DLEC1: variants seen among roughly 807,000 people sequenced by gnomAD.
The protein encoded by DLEC1 is DLEC1 cilia and flagella associated protein.
A neutral mutation model predicts 198.1 loss-of-function variants in DLEC1; 146 were observed. The observed-to-expected ratio is 0.74, with a 90% CI of 0.64 to 0.85. The LOEUF (loss-of-function observed/expected upper bound fraction) is 0.85, where lower values mean the gene tolerates loss of function less well. DLEC1 is among the 40% of genes least tolerant of loss of function. The pLI is 0.00. For synonymous variants in DLEC1, 897 were observed against 866.8 expected, an observed-to-expected ratio of 1.03 and a Z score of -0.61; for missense variants, 2,233 against 2,220.0, an observed-to-expected ratio of 1.01 and a Z score of -0.12.
chr3:38,046,844 T>C (rs1347242634), intron 2 of DLEC1, among the ~76,000 whole-genome samples: 1 of 134,210 alleles, frequency 7.5e-6, no homozygotes, highest in Non-Finnish European at 1.6e-5. Flanking sequence ...TCATGTCTCT[T>C]TTTGAGATGC....
At chr3:38,042,579 A>T (rs1700707837) in intron 1 of DLEC1, among the ~76,000 whole-genome samples, 1 of 129,492 alleles carries the variant, frequency 7.7e-6, no homozygotes, top group African/African-American at 3.0e-5. Context: ...TTTTTGAGAC[A>T]GAGTCTTGCA....
chr3:38,103,212 A>G (rs1416117477), intron 19 of DLEC1: 2 of 152,120 alleles, frequency 1.3e-5, no homozygotes, highest in African/African-American at 2.4e-5. Context: ...CGTTTTTAGC[A>G]CCCACTTGAG....
At chr3:38,054,795 T>G (rs1268357348) in intron 2 of DLEC1, among the ~76,000 whole-genome samples, 3 of 152,174 alleles carry the variant, frequency 2.0e-5, no homozygotes, top group Non-Finnish European at 2.9e-5. Context: ...TAAAACCAGC[T>G]AAACATGAGC....
At chr3:38,119,002 G>A (rs1264302764) in intron 33 of DLEC1, among the ~76,000 whole-genome samples, 1 of 152,136 alleles carries the variant, frequency 6.6e-6, no homozygotes, top group Non-Finnish European at 1.5e-5. Context: ...GACCCACTTT[G>A]CGTTTGCTCC....
chr3:38,095,653 C>T, intron 13 of DLEC1: 1 of 539,524 alleles, frequency 1.9e-6, no homozygotes, highest in Non-Finnish European at 3.3e-6. Context: ...AAGGCCTTTG[C>T]TTCTTGCACC....
rs1381515086 is a variant in DLEC1, at chr3:38,084,419, A to AGTGGTG, written c.1261+179_1261+180insGGTGGT. On this transcript the variant is annotated intron_variant, in intron 7 of 36. Transcript: ENST00000308059. ...TAGTAGTAGTGGTGGTGGTAGTAGTAGTGGTAGTAGTAGTAGTGGTGGTGG... is the reference window on the plus strand; with the variant it reads ...TAGTAGTAGTGGTGGTGGTAGTAGTAGTGGTGGTGGTAGTAGTAGTAGTGGTGGTGG... Among the ~76,000 whole-genome samples, 19 of 5,994 alleles carry AGTGGTG rather than the reference A, an allele frequency of 3.2e-3. 1 individual carries two copies. The highest frequency in any genetic ancestry group is 5.9e-3 in the Non-Finnish European group (17 of 2,902). The allele number at this position is 5,994 out of a possible 152,430, so 3.9% of individuals were successfully genotyped here.
Position 38,062,647 on chromosome 3 carries a change from A to G in DLEC1, c.940A>G (p.Arg314Gly). 1.2e-6 allele frequency: 2 copies of G among 1,614,180 alleles called. No homozygotes were observed. Among genetic ancestry groups the G allele is most frequent in the Non-Finnish European group, 1.7e-6 (2 of 1,180,034 alleles). The change falls in exon 5 of 37, where the codon AGA (arginine) becomes GGA (glycine). Residue 314 changes from arginine to glycine, a missense_variant. Arg to Gly is a moderately radical substitution (Grantham distance 125, BLOSUM62 -2). Transcript: ENST00000308059. ...HLRVPQRELD[R>G]LLLARMESRN... ...ACGTGTGCCACAGAGAGAGCTAGAC[A>G]GACTTCTGCTTGCCAGAATGGAGAG...
At position 38,120,469 on chromosome 3, in the gene DLEC1, T is replaced by C. The variant is rs761325907; in HGVS notation, c.4726T>C (p.Ser1576Pro). The C allele has an allele frequency of 3.7e-6, 6 of 1,614,146 alleles. No individual in the cohort carries two copies. The highest frequency in any genetic ancestry group is 4.2e-6 in the Non-Finnish European group (5 of 1,180,010). The change falls in exon 34 of 37, where the codon TCC (serine) becomes CCC (proline). Residue 1576 changes from serine to proline, a missense_variant. Coordinates refer to ENST00000308059, the MANE Select transcript of DLEC1 (RefSeq NM_007335.4). ...NMLVNVSFSL[S>P]LELLSYQKLP... ...TCAGGTGAACGTGTCCTTCTCACTCTCCCTGGAGCTGCTCTCCTATCAGAA... is the reference window on the plus strand; with the variant it reads ...TCAGGTGAACGTGTCCTTCTCACTCCCCCTGGAGCTGCTCTCCTATCAGAA...
chr3:38,059,974 G>A (rs760698866), intron 3 of DLEC1, 122 bp downstream of exon 3: 68 of 808,666 alleles, frequency 8.4e-5, no homozygotes, highest in Admixed American at 2.9e-4. Context: ...CTTTAATTTC[G>A]ATGGTGACTG....
chr3:38,085,335 GT>G lies in DLEC1; in HGVS notation c.1329del (p.Asp445ThrfsTer11), dbSNP rs748704511. ...GAATGACCTGCCAGTACATTGTCCA[GT>G]TTTTTCCCGACTGCCTTGGGGATTT... is the stretch of plus-strand genomic sequence containing the variant. ...PGMTCQYIVQ[F>X]FPDCLGDFDD... On this transcript the variant is annotated frameshift_variant, in exon 8 of 37. Coordinates refer to ENST00000308059, the MANE Select transcript of DLEC1 (RefSeq NM_007335.4). LOFTEE classifies it high-confidence loss of function. 1 of 1,614,130 alleles carries G rather than the reference GT, an allele frequency of 6.2e-7. No individual in the cohort carries two copies. Among genetic ancestry groups the G allele is most frequent in the Non-Finnish European group, 8.5e-7 (1 of 1,180,016 alleles).
At chr3:38,051,570 T>C (rs572635313) in intron 2 of DLEC1, among the ~76,000 whole-genome samples, 6 of 152,304 alleles carry the variant, frequency 3.9e-5, no homozygotes, top group African/African-American at 1.4e-4. Flanking sequence ...GCAGCAGATA[T>C]CATTTCCACT....
chr3:38,074,390 T>C (rs1329232741), intron 6 of DLEC1, among the ~76,000 whole-genome samples: 2 of 152,252 alleles, frequency 1.3e-5, no homozygotes, highest in East Asian at 3.8e-4. Flanking sequence ...GATTGGGTGA[T>C]AAAATGCATA....
intron 19 of DLEC1, among the ~76,000 whole-genome samples, chr3:38,105,443 T>C (rs1277219133): frequency 1.3e-5 from 2 of 152,198 alleles, no homozygotes; most frequent in African/African-American, 4.8e-5. Flanking sequence ...ATGTATTTTG[T>C]GGTGCTGTTG....
chr3:38,044,677 G>A (rs1436131453), intron 1 of DLEC1, among the ~76,000 whole-genome samples: 1 of 152,212 alleles, frequency 6.6e-6, no homozygotes, highest in Non-Finnish European at 1.5e-5. Flanking sequence ...CAAGTAGCTG[G>A]GACTACAGGT....
In DLEC1 at chr3:38,110,153, G is replaced by A. The variant is rs747286665; in HGVS notation, c.3315G>A (p.Ala1105=). The change falls in exon 23 of 37, where the codon GCG becomes GCA. Residue 1105 remains alanine, a synonymous_variant. Coordinates refer to ENST00000308059, the MANE Select transcript of DLEC1 (RefSeq NM_007335.4). ...AGCTCCGCCTGGACTTTGGCTCAGC[G>A]GTGCCACTGAGGACCCGTGTGACTC... ...PKELRLDFGS[A]VPLRTRVTRQ... 1.7e-5 allele frequency: 27 copies of A among 1,614,076 alleles called. No individual in the cohort carries two copies. Among genetic ancestry groups the A allele is most frequent in the East Asian group, 6.7e-5 (3 of 44,900 alleles).
At chr3:38,079,470 A>G (rs1697836340) in intron 6 of DLEC1, among the ~76,000 whole-genome samples, 1 of 152,130 alleles carries the variant, frequency 6.6e-6, no homozygotes, top group Non-Finnish European at 1.5e-5. Context: ...TTCCACTGTG[A>G]GAGTTACCCA....
intron 5 of DLEC1, 126 bp downstream of exon 5, chr3:38,062,927 G>C: frequency 9.7e-7 from 1 of 1,027,746 alleles, no homozygotes; most frequent in South Asian, 1.7e-5. Context: ...TATCAGAACA[G>C]AGCAGGGCTG....
At chr3:38,076,538 A>C (rs1697631527) in intron 6 of DLEC1, among the ~76,000 whole-genome samples, 1 of 152,158 alleles carries the variant, frequency 6.6e-6, no homozygotes, top group Non-Finnish European at 1.5e-5. Flanking sequence ...ATGAGCCAGG[A>C]AAAGGACTTT....
chr3:38,045,927 C>CTGGAAATCAG (rs1416476983), intron 2 of DLEC1, among the ~76,000 whole-genome samples: 1 of 152,208 alleles, frequency 6.6e-6, no homozygotes, highest in Non-Finnish European at 1.5e-5. Context: ...CCCCCACAAC[C>CTGGAAATCAG]TGGAAATCAG....
Sources: gnomAD v4.1 joint callset for allele counts (sites outside exome capture counted in the v4.1 genomes callset) on GRCh38, gnomAD v4.1.1 for gene constraint, MANE v1.5 for transcripts, NCBI Gene and HGNC (gene_info 2026-07-23, HGNC 2026-07-21) for gene names.